The following GRID2 variants were observed in gnomAD, a reference collection of about 807,000 sequenced individuals.
GRID2 encodes the protein glutamate receptor ionotropic, delta-2.
In GRID2, 33 loss-of-function variants were observed where a neutral mutation model predicts 114.8. That is an observed-to-expected ratio of 0.29 (90% confidence interval 0.22 to 0.38). GRID2 has a LOEUF of 0.38. Among genes scored for constraint, GRID2 ranks in the 10% least tolerant of loss-of-function variants. The pLI is 1.00. For synonymous variants in GRID2, 505 were observed against 449.9 expected, an observed-to-expected ratio of 1.12 and a Z score of -1.55; for missense variants, 1,184 against 1,257.7, an observed-to-expected ratio of 0.94 and a Z score of 0.89.
chr4:93,582,676 A>G lies in GRID2; in HGVS notation c.2194-43593A>G, dbSNP rs17020808. Among the ~76,000 whole-genome samples the G allele has an allele frequency of 3.2e-3, 490 of 152,274 alleles. 4 individuals carry two copies. The highest frequency in any genetic ancestry group is 0.011 in the African/African-American group (445 of 41,550). On this transcript the variant is annotated intron_variant, in intron 13 of 15. Transcript: ENST00000282020. ...ATTTATCTCTCTCATATTCCAGTTT[A>G]ATAATGGAGACCTTACTTGTTATGT...
intron 10 of GRID2, among the ~76,000 whole-genome samples, chr4:93,429,300 T>C (rs1465532214): frequency 1.3e-5 from 2 of 152,172 alleles, no homozygotes; most frequent in Non-Finnish European, 2.9e-5. Flanking sequence ...AAATGGTATG[T>C]ATAGGTTTAA....
intron 11 of GRID2, among the ~76,000 whole-genome samples, chr4:93,460,940 C>T (rs555371851): frequency 1.2e-4 from 19 of 152,186 alleles, no homozygotes; most frequent in African/African-American, 4.6e-4. Context: ...TTTGTGAAGA[C>T]GTTGACATAC....
At chr4:93,282,822 G>C (rs1361450044) in intron 8 of GRID2, among the ~76,000 whole-genome samples, 1 of 151,964 alleles carries the variant, frequency 6.6e-6, no homozygotes, top group Non-Finnish European at 1.5e-5. Context: ...TTGGTGAGGG[G>C]CTCAGGAAGT....
At chr4:93,724,923 G>T (rs934959833) in intron 14 of GRID2, among the ~76,000 whole-genome samples, 1 of 152,068 alleles carries the variant, frequency 6.6e-6, no homozygotes, top group Non-Finnish European at 1.5e-5. Context: ...GGGATTATAG[G>T]TGTGCACCAC....
intron 9 of GRID2, among the ~76,000 whole-genome samples, chr4:93,404,276 A>G (rs1214953722): frequency 1.3e-5 from 2 of 152,030 alleles, no homozygotes; most frequent in Non-Finnish European, 2.9e-5. Flanking sequence ...GGCATTTTTG[A>G]GGGGGAGCTG....
intron 2 of GRID2, among the ~76,000 whole-genome samples, chr4:92,794,001 T>C (rs1184222877): frequency 1.3e-5 from 2 of 151,930 alleles, no homozygotes; most frequent in Non-Finnish European, 2.9e-5. Flanking sequence ...CATTAGAGTG[T>C]AGGGGCAGCA....
Position 92,439,880 on chromosome 4 carries a change from G to C in GRID2, c.88+135136G>C, listed in dbSNP as rs1393093092. ...TCAGCTGTGATGGCTTGGAGAAACA[G>C]TGTAAACCGGCAGTGTAAACAAGAG... On this transcript the variant is annotated intron_variant, in intron 1 of 15. Transcript: ENST00000282020. 4.1e-5 allele frequency among the ~76,000 whole-genome samples: 6 copies of C among 144,904 alleles called. 1 individual carries two copies. Among genetic ancestry groups the C allele is most frequent in the African/African-American group, 7.4e-5 (3 of 40,730 alleles).
At chr4:92,575,564 C>A (rs2149197108) in intron 1 of GRID2, among the ~76,000 whole-genome samples, 1 of 152,062 alleles carries the variant, frequency 6.6e-6, no homozygotes, top group East Asian at 1.9e-4. Flanking sequence ...TGATGGGGGT[C>A]AGCTATAGAC....
intron 1 of GRID2, among the ~76,000 whole-genome samples, chr4:92,451,394 T>A (rs1720919415): frequency 6.6e-6 from 1 of 152,156 alleles, no homozygotes; most frequent in South Asian, 2.1e-4. Flanking sequence ...CTGAAGCCAA[T>A]ATTTTGAAAG....
At chr4:92,673,464 C>A (rs1040678420) in intron 2 of GRID2, among the ~76,000 whole-genome samples, 1 of 152,118 alleles carries the variant, frequency 6.6e-6, no homozygotes, top group Non-Finnish European at 1.5e-5. Flanking sequence ...AACATATCAA[C>A]CATGCTCCTT....
At chr4:92,681,047 T>C (rs1295590452) in intron 2 of GRID2, among the ~76,000 whole-genome samples, 1 of 151,888 alleles carries the variant, frequency 6.6e-6, no homozygotes, top group Non-Finnish European at 1.5e-5. Flanking sequence ...TGAAGAGAAA[T>C]TGGAAACAAT....
intron 1 of GRID2, among the ~76,000 whole-genome samples, chr4:92,316,388 T>C (rs1368074928): frequency 6.6e-6 from 1 of 152,202 alleles, no homozygotes; most frequent in East Asian, 1.9e-4. Context: ...TGTTCTCTTG[T>C]GGTGTAGTCA....
chr4:93,250,304 A>G (rs1748719819), intron 8 of GRID2, among the ~76,000 whole-genome samples: 1 of 152,040 alleles, frequency 6.6e-6, no homozygotes, highest in Non-Finnish European at 1.5e-5. Context: ...ATGAGAACAC[A>G]AGGACACAGG....
intron 4 of GRID2, among the ~76,000 whole-genome samples, chr4:93,138,463 C>G (rs1290715061): frequency 6.6e-6 from 1 of 152,158 alleles, no homozygotes; most frequent in Non-Finnish European, 1.5e-5. Context: ...CCCATTACAG[C>G]ATATCCAGCC....
At chr4:92,900,912 GT>G (rs1358578505) in intron 2 of GRID2, among the ~76,000 whole-genome samples, 1 of 141,672 alleles carries the variant, frequency 7.1e-6, no homozygotes, top group Non-Finnish European at 1.5e-5. Flanking sequence ...ATGATTTCAT[GT>G]TTTATGACTG....
chr4:93,398,756 T>G (rs924835842), intron 9 of GRID2, among the ~76,000 whole-genome samples: 2 of 151,602 alleles, frequency 1.3e-5, no homozygotes, highest in Non-Finnish European at 2.9e-5. Context: ...AGTGTTTTTT[T>G]TTTTTTTTTT....
chr4:93,333,982 G>A (rs540908359), intron 8 of GRID2, among the ~76,000 whole-genome samples: 26 of 152,258 alleles, frequency 1.7e-4, no homozygotes, highest in African/African-American at 5.3e-4. Flanking sequence ...GACAGTGATA[G>A]CTAGTACAAT....
chr4:93,316,996 G>T (rs187415296), intron 8 of GRID2, among the ~76,000 whole-genome samples: 1 of 152,164 alleles, frequency 6.6e-6, no homozygotes, highest in East Asian at 1.9e-4. Flanking sequence ...AAGGGATTTA[G>T]GTATGAGAAG....
chr4:93,502,151 CG>C (rs924437332), intron 12 of GRID2, among the ~76,000 whole-genome samples: 110 of 152,126 alleles, frequency 7.2e-4, no homozygotes, highest in African/African-American at 2.6e-3. Context: ...AGTTGGCAGC[CG>C]GGGCTGTTTG....
Sources: allele counts gnomAD v4.1 joint callset (sites outside exome capture counted in the v4.1 genomes callset), GRCh38; gene constraint gnomAD v4.1.1; transcripts MANE v1.5; gene names NCBI Gene and HGNC (gene_info 2026-07-23, HGNC 2026-07-21).